Variants in ADGRL3 observed in about 807,000 individuals in gnomAD.
ADGRL3 encodes the protein adhesion G protein-coupled receptor L3.
A neutral mutation model predicts 153.5 loss-of-function variants in ADGRL3; 62 were observed. That is an observed-to-expected ratio of 0.40 (90% CI 0.33 to 0.50). The LOEUF is 0.50. Among genes scored for constraint, ADGRL3 ranks in the 20% least tolerant of loss-of-function variants. ADGRL3 has a pLI of 0.47. For missense variants in ADGRL3, 1,641 were observed against 1,859.4 expected, an observed-to-expected ratio of 0.88 and a Z score of 2.16; for synonymous variants, 710 against 672.5, an observed-to-expected ratio of 1.06 and a Z score of -0.86.
At chr4:61,589,115 A>AT (rs1187363716) in intron 5 of ADGRL3, among the ~76,000 whole-genome samples, 1 of 152,074 alleles carries the variant, frequency 6.6e-6, no homozygotes, top group African/African-American at 2.4e-5. Flanking sequence ...ACTATATGGG[A>AT]TGCGTACACT....
At chr4:61,557,930 G>A (rs1028879301) in intron 4 of ADGRL3, among the ~76,000 whole-genome samples, 1 of 151,462 alleles carries the variant, frequency 6.6e-6, no homozygotes, top group Non-Finnish European at 1.5e-5. Context: ...CAACTCCATC[G>A]AGGTCATGTG....
At chr4:61,934,632 T>C (rs10005756) in intron 13 of ADGRL3, among the ~76,000 whole-genome samples, 2,643 of 152,280 alleles carry the variant, frequency 0.017, 82 homozygotes, top group African/African-American at 0.061. Flanking sequence ...AAACAGGTTT[T>C]CCTCTTGCGT....
intron 8 of ADGRL3, among the ~76,000 whole-genome samples, chr4:61,751,448 G>T (rs2096755661): frequency 6.6e-6 from 1 of 152,080 alleles, no homozygotes; most frequent in Non-Finnish European, 1.5e-5. Context: ...AAAGTCTCCT[G>T]CCCAGAGGAA....
At chr4:61,846,317 TAA>T (rs879823030) in intron 9 of ADGRL3, among the ~76,000 whole-genome samples, 3 of 142,546 alleles carry the variant, frequency 2.1e-5, no homozygotes, top group African/African-American at 2.6e-5. Context: ...ACCCTGTCTC[TAA>T]AAAAAAAAAA....
intron 1 of ADGRL3, among the ~76,000 whole-genome samples, chr4:61,349,948 T>C (rs2096006456): frequency 6.6e-6 from 1 of 152,176 alleles, no homozygotes; most frequent in East Asian, 1.9e-4. Context: ...CATGCATTAA[T>C]TCTTTTATTT....
intron 1 of ADGRL3, among the ~76,000 whole-genome samples, chr4:61,273,173 G>C (rs2093289182): frequency 6.6e-6 from 1 of 152,158 alleles, no homozygotes; most frequent in Non-Finnish European, 1.5e-5. Flanking sequence ...AAGGAGACAT[G>C]ATGTACTCAG....
intron 5 of ADGRL3, among the ~76,000 whole-genome samples, chr4:61,625,530 A>G (rs2092782340): frequency 6.6e-6 from 1 of 152,040 alleles, no homozygotes; most frequent in Non-Finnish European, 1.5e-5. Context: ...GCTAATTTAT[A>G]ATTTCTCTCT....
At chr4:61,964,593 G>C (rs1163225295) in intron 17 of ADGRL3, among the ~76,000 whole-genome samples, 2 of 151,904 alleles carry the variant, frequency 1.3e-5, no homozygotes, top group Non-Finnish European at 2.9e-5. Context: ...TCAAATGTTG[G>C]TTATGTGAAC....
intron 13 of ADGRL3, among the ~76,000 whole-genome samples, chr4:61,915,704 C>T (rs1027661398): frequency 2.0e-5 from 3 of 152,162 alleles, no homozygotes; most frequent in Non-Finnish European, 2.9e-5. Context: ...ACCTCTCTTC[C>T]TCTTAATGTA....
chr4:61,292,087 G>A (rs2094241690), intron 1 of ADGRL3, among the ~76,000 whole-genome samples: 1 of 151,294 alleles, frequency 6.6e-6, no homozygotes, highest in Admixed American at 6.6e-5. Context: ...GCTCATTGAT[G>A]GTATAAGGTT....
At chr4:61,468,042 T>C (rs1321095195) in intron 2 of ADGRL3, among the ~76,000 whole-genome samples, 2 of 152,180 alleles carry the variant, frequency 1.3e-5, no homozygotes, top group African/African-American at 4.8e-5. Flanking sequence ...ACTTCATTGT[T>C]GTAAAAATCG....
chr4:61,830,617 A>G (rs191597571), intron 9 of ADGRL3, among the ~76,000 whole-genome samples: 1,634 of 152,262 alleles, frequency 0.011, 28 homozygotes, highest in Admixed American at 0.038. Flanking sequence ...GATAAGACCA[A>G]CTGTAGGGGG....
intron 9 of ADGRL3, among the ~76,000 whole-genome samples, chr4:61,860,614 CACTCT>C (rs1369428529): frequency 6.6e-6 from 1 of 152,018 alleles, no homozygotes; most frequent in Non-Finnish European, 1.5e-5. Flanking sequence ...AATTCTTATC[CACTCT>C]ACTCCATCTG....
intron 18 of ADGRL3, among the ~76,000 whole-genome samples, chr4:61,981,812 A>G (rs1157620135): frequency 1.3e-5 from 2 of 152,162 alleles, no homozygotes; most frequent in Non-Finnish European, 2.9e-5. Flanking sequence ...GTCCATATGT[A>G]TGGAGTGCTT....
chr4:61,842,404 G>C (rs1256605864), intron 9 of ADGRL3, among the ~76,000 whole-genome samples: 1 of 151,944 alleles, frequency 6.6e-6, no homozygotes, highest in Non-Finnish European at 1.5e-5. Context: ...TAATTATTTT[G>C]GAGTAATTAA....
intron 2 of ADGRL3, among the ~76,000 whole-genome samples, chr4:61,485,008 A>G (rs916469649): frequency 1.3e-5 from 2 of 152,198 alleles, no homozygotes; most frequent in Middle Eastern, 3.2e-3. Flanking sequence ...TAAGCTCTTA[A>G]TCAGGCTAAA....
chr4:61,454,820 A>AT (rs554969553), intron 2 of ADGRL3, among the ~76,000 whole-genome samples: 9 of 152,138 alleles, frequency 5.9e-5, no homozygotes, highest in South Asian at 2.1e-4. Context: ...TGGAAGATAG[A>AT]TTTTTTTTCC....
intron 6 of ADGRL3, among the ~76,000 whole-genome samples, chr4:61,713,495 A>G (rs1192359885): frequency 6.6e-6 from 1 of 151,910 alleles, no homozygotes; most frequent in African/African-American, 2.4e-5. Context: ...TTCTAGGTCT[A>G]TTATATTCTC....
chr4:61,538,234 G>T (rs114225406), intron 4 of ADGRL3, among the ~76,000 whole-genome samples: 1 of 151,636 alleles, frequency 6.6e-6, no homozygotes, highest in African/African-American at 2.4e-5. Context: ...TTTTCAGGGG[G>T]CTAAGACTCG....
Sources: allele counts gnomAD v4.1 joint callset (sites outside exome capture counted in the v4.1 genomes callset), GRCh38; gene constraint gnomAD v4.1.1; transcripts MANE v1.5; gene names NCBI Gene and HGNC (gene_info 2026-07-23, HGNC 2026-07-21).